Variants in ITFG1 observed in about 807,000 individuals in gnomAD.
The protein encoded by ITFG1 is integrin alpha FG-GAP repeat containing 1, also known as T-cell immunomodulatory protein.
A neutral mutation model predicts 81.8 loss-of-function variants in ITFG1; 34 were observed. The observed-to-expected ratio is 0.42, with a 90% confidence interval of 0.32 to 0.55. The LOEUF (loss-of-function observed/expected upper bound fraction) is 0.55. ITFG1 is among the 20% of genes least tolerant of loss of function. The pLI is 0.17. For missense variants in ITFG1, 672 were observed against 755.4 expected (o/e 0.89, Z 1.29); for synonymous variants, 285 against 270.6 (o/e 1.05, Z -0.52).
chr16:47,239,453 C>G (rs893583088), intron 12 of ITFG1, among the ~76,000 whole-genome samples: 1 of 152,124 alleles, frequency 6.6e-6, no homozygotes, highest in Non-Finnish European at 1.5e-5. Flanking sequence ...CCTGCCTCGG[C>G]CTCCCAAAGT....
chr16:47,257,197 T>C (rs1204923589), intron 12 of ITFG1, among the ~76,000 whole-genome samples: 1 of 152,076 alleles, frequency 6.6e-6, no homozygotes, highest in Non-Finnish European at 1.5e-5. Flanking sequence ...GAAAATTATC[T>C]CTCTTTGCAG....
intron 7 of ITFG1, among the ~76,000 whole-genome samples, chr16:47,373,898 T>C (rs1369207588): frequency 1.3e-5 from 2 of 152,364 alleles, no homozygotes; most frequent in East Asian, 1.9e-4. Flanking sequence ...CAATCTCTAA[T>C]TGAAAATGAT....
chr16:47,374,378 T>G (rs1968297580), intron 7 of ITFG1, among the ~76,000 whole-genome samples: 1 of 152,222 alleles, frequency 6.6e-6, no homozygotes, highest in African/African-American at 2.4e-5. Flanking sequence ...TCTATTTTAT[T>G]CATCAAGAAT....
rs185113654 is a variant in ITFG1, at chr16:47,201,356, C to A, written c.1453+17512G>T. Among the ~76,000 whole-genome samples the A allele has an allele frequency of 3.5e-3, 528 of 151,654 alleles. 4 individuals carry two copies. Among genetic ancestry groups the A allele is most frequent in the African/African-American group, 0.012 (511 of 41,360 alleles). ...CCCAAGTAGCTGGGACTACAGGTGC[C>A]CGCCAACATGCCCGGCTAATTTTTT... On this transcript the variant is annotated intron_variant, in intron 14 of 17. Coordinates refer to ENST00000320640, the MANE Select transcript of ITFG1 (RefSeq NM_030790.5).
Position 47,154,963 on chromosome 16 carries a change from G to T in ITFG1, c.*756C>A, listed in dbSNP as rs1014306861. On this transcript the variant is annotated 3_prime_UTR_variant, in exon 18 of 18. Transcript: ENST00000320640. ...AGTCTATGTATTTCTATAATTAGATGTATAAGTCTAATAAGATCATCTAAA... is the reference window on the plus strand; with the variant it reads ...AGTCTATGTATTTCTATAATTAGATTTATAAGTCTAATAAGATCATCTAAA... The T allele has an allele frequency of 6.6e-6, 1 of 152,182 alleles. No individual in the cohort carries two copies. The highest frequency in any genetic ancestry group is 1.5e-5 in the Non-Finnish European group (1 of 68,030). 9.4% of individuals were successfully genotyped at this position (152,182 alleles called of 1,614,324 possible).
At position 47,301,850 on chromosome 16, in the gene ITFG1, T is replaced by C. The variant is rs75359127; in HGVS notation, c.1070+9390A>G. Among the ~76,000 whole-genome samples the C allele has an allele frequency of 3.8e-4, 58 of 152,342 alleles. No individual in the cohort carries two copies. The East Asian group carries it at 9.8e-3, about 26-fold the overall frequency. On this transcript the variant is annotated intron_variant, in intron 10 of 17. Coordinates refer to ENST00000320640, the MANE Select transcript of ITFG1 (RefSeq NM_030790.5). ...TTCAAAAGTCCTACTTAAAATTTTG[T>C]TTAACAGGACTCATTTTATTGGTTG...
chr16:47,326,800 A>C (rs961898392), intron 8 of ITFG1, among the ~76,000 whole-genome samples: 1 of 152,190 alleles, frequency 6.6e-6, no homozygotes, highest in Non-Finnish European at 1.5e-5. Flanking sequence ...GAGAACTACA[A>C]ACCACTGCTC....
intron 10 of ITFG1, among the ~76,000 whole-genome samples, chr16:47,289,013 T>C (rs1966881520): frequency 6.6e-6 from 1 of 152,214 alleles, no homozygotes. Context: ...CTTTACTATG[T>C]TGAGGTATAT....
intron 5 of ITFG1, among the ~76,000 whole-genome samples, chr16:47,440,802 C>G (rs1359757856): frequency 2.0e-5 from 3 of 152,032 alleles, no homozygotes; most frequent in African/African-American, 7.2e-5. Context: ...CAAACACATT[C>G]AAAAGCTAGC....
chr16:47,190,319 T>C (rs148247922), intron 14 of ITFG1, among the ~76,000 whole-genome samples: 1 of 152,136 alleles, frequency 6.6e-6, no homozygotes. Flanking sequence ...TAGTCCCAAG[T>C]TGCAAGATAG....
In ITFG1 at chr16:47,359,267, C is replaced by T. The variant is rs150241193; in HGVS notation, c.802+6521G>A. On this transcript the variant is annotated intron_variant, in intron 8 of 17. Transcript: ENST00000320640. The stretch of plus-strand genomic sequence containing the variant: ...GCTAATATCCAACTCTGTGTCTCTC[C>T]AGAGCTTTTATCTCCCATTTGTATT... Among the ~76,000 whole-genome samples, 130 of 152,290 alleles carry T rather than the reference C, an allele frequency of 8.5e-4. 1 individual carries two copies. Among genetic ancestry groups the T allele is most frequent in the African/African-American group, 3.0e-3 (124 of 41,554 alleles).
At chr16:47,307,643 A>G (rs931959978) in intron 10 of ITFG1, among the ~76,000 whole-genome samples, 18 of 152,152 alleles carry the variant, frequency 1.2e-4, no homozygotes, top group African/African-American at 3.6e-4. Context: ...AACATTTATA[A>G]TTTCAACTTT....
At chr16:47,352,468 T>C (rs1401318037) in intron 8 of ITFG1, among the ~76,000 whole-genome samples, 1 of 152,170 alleles carries the variant, frequency 6.6e-6, no homozygotes, top group Non-Finnish European at 1.5e-5. Flanking sequence ...ATGCTCATCA[T>C]CACTGGCCAT....
At chr16:47,324,043 CAGAT>C (rs1353538716) in intron 8 of ITFG1, among the ~76,000 whole-genome samples, 15 of 152,002 alleles carry the variant, frequency 9.9e-5, no homozygotes, top group African/African-American at 1.5e-4. Flanking sequence ...TAACTATGCA[CAGAT>C]AGAGTATAAT....
chr16:47,275,865 G>A (rs1461831879), intron 10 of ITFG1, among the ~76,000 whole-genome samples: 1 of 151,990 alleles, frequency 6.6e-6, no homozygotes, highest in Non-Finnish European at 1.5e-5. Context: ...TTCCTAAATT[G>A]CTATAATCTG....
chr16:47,279,333 G>GT (rs898353614), intron 10 of ITFG1, among the ~76,000 whole-genome samples: 8 of 150,990 alleles, frequency 5.3e-5, no homozygotes, highest in Admixed American at 2.0e-4. Flanking sequence ...TTTAGTCAAG[G>GT]TTTTTTTTTC....
intron 8 of ITFG1, among the ~76,000 whole-genome samples, chr16:47,342,968 C>G (rs750317790): frequency 5.3e-5 from 8 of 152,058 alleles, no homozygotes; most frequent in Non-Finnish European, 7.4e-5. Flanking sequence ...ATTTCAACAG[C>G]CTTTTTAGCA....
chr16:47,293,420 G>T (rs1319624752), intron 10 of ITFG1, among the ~76,000 whole-genome samples: 1 of 151,824 alleles, frequency 6.6e-6, no homozygotes, highest in Non-Finnish European at 1.5e-5. Flanking sequence ...AGTTCTTTGT[G>T]AAGTCTCCAA....
intron 14 of ITFG1, among the ~76,000 whole-genome samples, chr16:47,170,673 G>T (rs1050203258): frequency 6.7e-6 from 1 of 149,188 alleles, no homozygotes; most frequent in Non-Finnish European, 1.5e-5. Flanking sequence ...TAGGTGATCT[G>T]CGCCTGCCTC....
Sources: gnomAD v4.1 joint callset for allele counts (sites outside exome capture counted in the v4.1 genomes callset) on GRCh38, gnomAD v4.1.1 for gene constraint, MANE v1.5 for transcripts, NCBI Gene and HGNC (gene_info 2026-07-23, HGNC 2026-07-21) for gene names.